CFAP299: variants seen among roughly 807,000 people sequenced by gnomAD.
CFAP299 encodes the protein cilia- and flagella-associated protein 299.
CFAP299 carries 21 observed loss-of-function variants against 27.0 expected under a neutral mutation model. That is an observed-to-expected ratio of 0.78 (90% CI 0.55 to 1.12). The LOEUF is 1.12. Ranked by LOEUF, CFAP299 falls within the 50% of genes most tolerant of loss-of-function variation. The pLI is 0.00. For missense variants in CFAP299, 310 were observed against 276.6 expected, an observed-to-expected ratio of 1.12 and a Z score of -0.86; for synonymous variants, 104 against 98.1, an observed-to-expected ratio of 1.06 and a Z score of -0.36.
chr4:80,633,372 G>C (rs1448651946), intron 3 of CFAP299, among the ~76,000 whole-genome samples: 1 of 152,100 alleles, frequency 6.6e-6, no homozygotes, highest in Non-Finnish European at 1.5e-5. Flanking sequence ...CTGGGAGGAG[G>C]AGGTTGGAGT....
chr4:80,487,970 A>G (rs1480858011), intron 2 of CFAP299, among the ~76,000 whole-genome samples: 2 of 152,238 alleles, frequency 1.3e-5, no homozygotes, highest in Non-Finnish European at 2.9e-5. Flanking sequence ...GGTATAGCAT[A>G]TAGCACCTCC....
chr4:80,961,766 C>T (rs73831228), intron 5 of CFAP299, among the ~76,000 whole-genome samples: 3,234 of 151,782 alleles, frequency 0.021, 139 homozygotes, highest in African/African-American at 0.074. Flanking sequence ...TCCTGATGGG[C>T]GCAAGAGTCT....
At chr4:80,369,865 C>T (rs896647824) in intron 2 of CFAP299, among the ~76,000 whole-genome samples, 2 of 152,198 alleles carry the variant, frequency 1.3e-5, no homozygotes, top group Admixed American at 6.5e-5. Flanking sequence ...CTGACAGCTT[C>T]TGGATAGTGC....
chr4:80,905,901 T>A (rs1344802308), intron 4 of CFAP299, among the ~76,000 whole-genome samples: 1 of 152,166 alleles, frequency 6.6e-6, no homozygotes, highest in African/African-American at 2.4e-5. Context: ...AATCACATCA[T>A]TCCACCCTTG....
At chr4:80,392,301 G>A (rs868561329) in intron 2 of CFAP299, among the ~76,000 whole-genome samples, 31 of 152,156 alleles carry the variant, frequency 2.0e-4, no homozygotes, top group African/African-American at 7.2e-4. Flanking sequence ...AGACTTTGGG[G>A]GACTGTTGGA....
intron 2 of CFAP299, among the ~76,000 whole-genome samples, chr4:80,458,556 T>C (rs1386869554): frequency 2.0e-5 from 3 of 152,228 alleles, no homozygotes; most frequent in African/African-American, 7.2e-5. Context: ...GATGGTTGTT[T>C]AAGACAAGAG....
chr4:80,500,533 A>G (rs868591773), intron 2 of CFAP299, among the ~76,000 whole-genome samples: 2 of 152,122 alleles, frequency 1.3e-5, no homozygotes, highest in Non-Finnish European at 2.9e-5. Context: ...CAATAATTCT[A>G]CTGGTTCAAA....
At chr4:80,963,490 AC>A (rs757753139) in intron 5 of CFAP299, 26 bp from the exon 6 acceptor site, 8 of 1,470,868 alleles carry the variant, frequency 5.4e-6, no homozygotes, top group Non-Finnish European at 7.4e-6. Flanking sequence ...TATAGACTTG[AC>A]TAACAATGTA....
At chr4:80,699,072 T>A (rs187733310) in intron 3 of CFAP299, among the ~76,000 whole-genome samples, 1 of 152,200 alleles carries the variant, frequency 6.6e-6, no homozygotes, top group African/African-American at 2.4e-5. Context: ...GTAGTCCCTA[T>A]AAGCTTATTG....
At chr4:80,688,627 G>C (rs1720409291) in intron 3 of CFAP299, among the ~76,000 whole-genome samples, 1 of 152,202 alleles carries the variant, frequency 6.6e-6, no homozygotes, top group Non-Finnish European at 1.5e-5. Context: ...ACTCTAAAAA[G>C]CACAGCACCT....
chr4:80,654,270 A>G (rs1400225337), intron 3 of CFAP299, among the ~76,000 whole-genome samples: 1 of 152,138 alleles, frequency 6.6e-6, no homozygotes, highest in East Asian at 1.9e-4. Flanking sequence ...TTATGCCCTC[A>G]GGATAAAGGC....
chr4:80,477,190 T>C (rs1730326399), intron 2 of CFAP299, among the ~76,000 whole-genome samples: 1 of 152,096 alleles, frequency 6.6e-6, no homozygotes, highest in African/African-American at 2.4e-5. Flanking sequence ...AGTCCCCAAG[T>C]AGTTGGGACT....
At chr4:80,523,656 T>C (rs2110177824) in intron 2 of CFAP299, among the ~76,000 whole-genome samples, 1 of 152,222 alleles carries the variant, frequency 6.6e-6, no homozygotes, top group East Asian at 1.9e-4. Context: ...GTATATAAGC[T>C]AGAACACCCA....
intron 3 of CFAP299, among the ~76,000 whole-genome samples, chr4:80,691,809 C>A (rs1299317467): frequency 3.9e-5 from 6 of 152,172 alleles, no homozygotes; most frequent in Non-Finnish European, 5.9e-5. Flanking sequence ...TGTCTCAGCC[C>A]AAAATCTCTT....
At chr4:80,691,852 G>C (rs1474229690) in intron 3 of CFAP299, among the ~76,000 whole-genome samples, 1 of 152,124 alleles carries the variant, frequency 6.6e-6, no homozygotes, top group Non-Finnish European at 1.5e-5. Context: ...AAAGTCTCAG[G>C]ATACAAAATC....
chr4:80,340,841 T>C (rs979691142), intron 1 of CFAP299, among the ~76,000 whole-genome samples: 1 of 152,120 alleles, frequency 6.6e-6, no homozygotes, highest in Non-Finnish European at 1.5e-5. Context: ...AATGGTGCGA[T>C]CTCGGCTCAC....
chr4:80,781,185 C>A (rs1488137805), intron 3 of CFAP299, among the ~76,000 whole-genome samples: 1 of 151,892 alleles, frequency 6.6e-6, no homozygotes. Flanking sequence ...AAATTCACAC[C>A]ATTTTTCTTC....
At chr4:80,639,083 A>G (rs1739595057) in intron 3 of CFAP299, among the ~76,000 whole-genome samples, 1 of 152,034 alleles carries the variant, frequency 6.6e-6, no homozygotes, top group Admixed American at 6.6e-5. Context: ...ACCTCACCTA[A>G]ACCTAATTAC....
chr4:80,457,416 C>G (rs1181234253), intron 2 of CFAP299, among the ~76,000 whole-genome samples: 3 of 152,134 alleles, frequency 2.0e-5, no homozygotes, highest in Admixed American at 1.3e-4. Flanking sequence ...GCCACAGATT[C>G]TGTGCTTTGG....
Sources: gnomAD v4.1 joint callset for allele counts (sites outside exome capture counted in the v4.1 genomes callset) on GRCh38, gnomAD v4.1.1 for gene constraint, MANE v1.5 for transcripts, NCBI Gene and HGNC (gene_info 2026-07-23, HGNC 2026-07-21) for gene names.